The following PDS5A variants were observed in gnomAD, a reference collection of about 807,000 sequenced individuals.
PDS5A encodes PDS5 cohesin associated factor A, also known as sister chromatid cohesion protein PDS5 homolog A.
PDS5A carries 42 observed loss-of-function variants against 167.1 expected under a neutral mutation model. That is an observed-to-expected ratio of 0.25 (90% CI 0.20 to 0.33). The LOEUF (loss-of-function observed/expected upper bound fraction) is 0.33. Ranked by LOEUF, PDS5A falls within the 10% of genes least tolerant of loss-of-function variation. The probability of loss-of-function intolerance (pLI) is 1.00; values close to 1 mark genes in which losing one functional copy is unlikely to be tolerated. For missense variants in PDS5A, 1,033 were observed against 1,605.9 expected, an observed-to-expected ratio of 0.64 and a Z score of 6.10; for synonymous variants, 553 against 554.6, an observed-to-expected ratio of 1.00 and a Z score of 0.04.
In PDS5A at chr4:39,952,725, AT is replaced by A. The variant is rs35943320; in HGVS notation, c.138+23714del. Among the ~76,000 whole-genome samples, 378 of 128,244 alleles carry A rather than the reference AT, an allele frequency of 2.9e-3. 1 individual carries two copies. Among genetic ancestry groups the A allele is most frequent in the African/African-American group, 7.1e-3 (245 of 34,316 alleles). 84.1% of individuals were successfully genotyped at this position (128,244 alleles called of 152,430 possible). ...TTGTCCCACAGTACACAGATCTGGA[AT>A]TTTTTTTTTTTTTTTTTTTGAGACT... On this transcript the variant is annotated intron_variant, in intron 2 of 32. Transcript: ENST00000303538.
intron 30 of PDS5A, among the ~76,000 whole-genome samples, chr4:39,843,668 C>T (rs1459243754): frequency 6.6e-6 from 1 of 152,134 alleles, no homozygotes; most frequent in Non-Finnish European, 1.5e-5. Context: ...CCCATCACTG[C>T]ACTCCAGCCT....
Position 39,922,529 on chromosome 4 carries a change from A to G in PDS5A, c.654+93T>C. The G allele has an allele frequency of 2.7e-6, 3 of 1,101,910 alleles. 1 individual carries two copies. In the Middle Eastern group the frequency reaches 6.6e-4, roughly 242 times the overall value. 68.3% of individuals were successfully genotyped at this position (1,101,910 alleles called of 1,614,324 possible). ...GGAGAACGGTCATGAGAACAATTAC[A>G]TGGGATTGCAAATGGCCATAAAACA... is the stretch of plus-strand genomic sequence containing the variant. On this transcript the variant is annotated intron_variant, in intron 6 of 32. Transcript: ENST00000303538.
At chr4:39,845,935 G>A (rs1183883171) in intron 28 of PDS5A, 55 bp from the exon 29 acceptor site, 8 of 1,230,938 alleles carry the variant, frequency 6.5e-6, no homozygotes, top group Non-Finnish European at 7.3e-6. Context: ...AGGAACATGA[G>A]TATTTTAATT....
At chr4:39,833,836 C>T (rs189664008) in intron 32 of PDS5A, among the ~76,000 whole-genome samples, 1,963 of 152,288 alleles carry the variant, frequency 0.013, 20 homozygotes, top group Non-Finnish European at 0.022. Flanking sequence ...GTCATTTCAA[C>T]TGGTTCAGCT....
chr4:39,942,116 G>A (rs147408800), intron 2 of PDS5A, among the ~76,000 whole-genome samples: 9 of 152,102 alleles, frequency 5.9e-5, no homozygotes, highest in African/African-American at 1.7e-4. Context: ...TCCTATGGCC[G>A]CATTCCTTAT....
intron 2 of PDS5A, among the ~76,000 whole-genome samples, chr4:39,945,779 C>T (rs1481581656): frequency 6.6e-6 from 1 of 152,170 alleles, no homozygotes; most frequent in Non-Finnish European, 1.5e-5. Context: ...TCTGGCTTTC[C>T]TTTTCCTTCA....
chr4:39,863,475 A>C lies in PDS5A; in HGVS notation c.2643-16T>G, dbSNP rs747787578. The C allele has an allele frequency of 1.3e-6, 2 of 1,569,104 alleles. No homozygotes were observed. Among genetic ancestry groups the C allele is most frequent in the South Asian group, 1.2e-5 (1 of 85,408 alleles). Reference sequence around the variant, plus strand: ...ATCAGATTTACTATAAACAAACAAAAAAGAAATAAACATTTCCTATAACCA... The same window carrying C: ...ATCAGATTTACTATAAACAAACAAACAAGAAATAAACATTTCCTATAACCA... On this transcript the variant is annotated splice_polypyrimidine_tract_variant and intron_variant, in intron 23 of 32. Coordinates refer to ENST00000303538, the MANE Select transcript of PDS5A (RefSeq NM_001100399.2).
At chr4:39,964,917 T>G (rs1578841453) in intron 2 of PDS5A, among the ~76,000 whole-genome samples, 2 of 152,124 alleles carry the variant, frequency 1.3e-5, no homozygotes, top group East Asian at 3.8e-4. Context: ...CACTCCAGCC[T>G]GGGTGACAGA....
intron 2 of PDS5A, among the ~76,000 whole-genome samples, chr4:39,940,330 C>T (rs961931415): frequency 5.9e-5 from 9 of 152,014 alleles, no homozygotes; most frequent in Non-Finnish European, 1.0e-4. Context: ...GGAGGAATTA[C>T]GAATGAAGGA....
intron 19 of PDS5A, among the ~76,000 whole-genome samples, chr4:39,875,920 G>GT (rs972078205): frequency 1.4e-4 from 22 of 151,968 alleles, no homozygotes; most frequent in Admixed American, 4.6e-4. Flanking sequence ...CTTTCTTCTT[G>GT]TTTTTTCTAG....
In PDS5A at chr4:39,849,574, C is replaced by A; in HGVS notation, c.3165G>T (p.Glu1055Asp). Reference protein sequence around the residue: ...NSHAFMKKMAENIKLTRDAQS... With the variant: ...NSHAFMKKMADNIKLTRDAQS... ...GGGCATCTCTGGTTAACTTGATGTTCTCTGCCATCTTCTTCATAAAGGCAT... is the reference window on the plus strand; with the variant it reads ...GGGCATCTCTGGTTAACTTGATGTTATCTGCCATCTTCTTCATAAAGGCAT... The change falls in exon 27 of 33, where the codon GAG becomes GAT. Residue 1055 changes from glutamate (E) to aspartate (D), a missense_variant. Transcript: ENST00000303538. The A allele has an allele frequency of 6.2e-7, 1 of 1,610,528 alleles. No homozygotes were observed. Among genetic ancestry groups the A allele is most frequent in the East Asian group, 2.2e-5 (1 of 44,766 alleles).
At chr4:39,871,281 T>C (rs1457335880) in intron 21 of PDS5A, among the ~76,000 whole-genome samples, 3 of 152,200 alleles carry the variant, frequency 2.0e-5, no homozygotes. Flanking sequence ...TTTGATACTA[T>C]GTATAGTTTA....
intron 8 of PDS5A, among the ~76,000 whole-genome samples, chr4:39,915,845 A>C (rs1724327542): frequency 1.3e-5 from 2 of 152,230 alleles, no homozygotes; most frequent in African/African-American, 4.8e-5. Flanking sequence ...TGTTTTAGTA[A>C]ATCAGTGATT....
intron 7 of PDS5A, among the ~76,000 whole-genome samples, chr4:39,918,830 G>A (rs1461422478): frequency 2.0e-5 from 3 of 152,136 alleles, no homozygotes; most frequent in Non-Finnish European, 4.4e-5. Flanking sequence ...TCCAGCCTGG[G>A]CAACAGGGCG....
At chr4:39,930,504 A>G (rs1725960881) in intron 2 of PDS5A, among the ~76,000 whole-genome samples, 1 of 152,110 alleles carries the variant, frequency 6.6e-6, no homozygotes, top group South Asian at 2.1e-4. Flanking sequence ...TTGCATTCTA[A>G]TTTTACTATT....
At chr4:39,954,670 T>TAAAAAAAAA (rs777287409) in intron 2 of PDS5A, among the ~76,000 whole-genome samples, 1 of 48,280 alleles carries the variant, frequency 2.1e-5, no homozygotes, top group African/African-American at 7.9e-5. Flanking sequence ...AAGAGATAAG[T>TAAAAAAAAA]AAAAAAAAAA....
intron 21 of PDS5A, among the ~76,000 whole-genome samples, chr4:39,870,551 G>A (rs1719933518): frequency 6.6e-6 from 1 of 151,876 alleles, no homozygotes. Context: ...TTGCGCTAGT[G>A]CACCCCAGCC....
rs551437634 is a variant in PDS5A, at chr4:39,839,906, C to T, written c.3658-1698G>A. Among the ~76,000 whole-genome samples, 646 of 151,662 alleles carry T rather than the reference C, an allele frequency of 4.3e-3. 7 individuals are homozygous for T. Among genetic ancestry groups the T allele is most frequent in the Non-Finnish European group, 7.1e-3 (485 of 67,894 alleles). ...GTCAGGAGTTCAAGACCAGCCTGGC[C>T]AACATGGTGAAACCCCGTCTCTACT... On this transcript the variant is annotated intron_variant, in intron 31 of 32. Transcript: ENST00000303538.
intron 2 of PDS5A, among the ~76,000 whole-genome samples, chr4:39,962,927 G>A (rs868656137): frequency 4.0e-5 from 6 of 151,828 alleles, no homozygotes; most frequent in Middle Eastern, 6.8e-3. Context: ...GCACCACTGT[G>A]CTACAGCCTG....
Sources: gnomAD v4.1 joint callset for allele counts (sites outside exome capture counted in the v4.1 genomes callset) on GRCh38, gnomAD v4.1.1 for gene constraint, MANE v1.5 for transcripts, NCBI Gene and HGNC (gene_info 2026-07-23, HGNC 2026-07-21) for gene names.